Variants in SLC38A6 observed in about 807,000 individuals in gnomAD.
The protein encoded by SLC38A6 is N system amino acid transporter NAT-1.
A neutral mutation model predicts 65.0 loss-of-function variants in SLC38A6; 73 were observed. The observed-to-expected ratio is 1.12, with a 90% CI of 0.93 to 1.37. The LOEUF (loss-of-function observed/expected upper bound fraction) is 1.37. Ranked by LOEUF, SLC38A6 falls within the 40% of genes most tolerant of loss-of-function variation. SLC38A6 has a pLI of 0.00. For missense variants in SLC38A6, 561 were observed against 531.1 expected, an observed-to-expected ratio of 1.06 and a Z score of -0.55; for synonymous variants, 183 against 178.8, an observed-to-expected ratio of 1.02 and a Z score of -0.19.
intron 3 of SLC38A6, among the ~76,000 whole-genome samples, chr14:60,996,191 C>A (rs1217170503): frequency 6.6e-6 from 1 of 151,876 alleles, no homozygotes; most frequent in Non-Finnish European, 1.5e-5. Flanking sequence ...AAAACTGCTC[C>A]TAAAATTATT....
chr14:61,050,017 G>A (rs369976390), intron 12 of SLC38A6, among the ~76,000 whole-genome samples: 3 of 152,250 alleles, frequency 2.0e-5, no homozygotes, highest in African/African-American at 7.2e-5. Context: ...CAAGCTCTGA[G>A]ATTCTAGAAA....
Position 61,080,595 on chromosome 14 carries a change from A to G in SLC38A6, c.1408+1668A>G, listed in dbSNP as rs78703694. Among the ~76,000 whole-genome samples, 258 of 152,310 alleles carry G rather than the reference A, an allele frequency of 1.7e-3. 1 individual carries two copies. The highest frequency in any genetic ancestry group is 5.5e-3 in the African/African-American group (227 of 41,554). ...GAATCAAGTCTGGGAAGCAAGTCGA[A>G]GTGGTTTGATTTGCATGGGGAGCTT... On this transcript the variant is annotated intron_variant, in intron 16 of 16. Coordinates refer to the SLC38A6 transcript ENST00000354886.
chr14:61,011,036 G>C (rs7149873), intron 3 of SLC38A6, among the ~76,000 whole-genome samples: 300 of 152,190 alleles, frequency 2.0e-3, no homozygotes, highest in African/African-American at 6.8e-3. Context: ...TCTTCCATTT[G>C]TTTGTATCTT....
chr14:61,011,998 G>A (rs186599991), intron 3 of SLC38A6, among the ~76,000 whole-genome samples: 2 of 152,320 alleles, frequency 1.3e-5, no homozygotes, highest in African/African-American at 4.8e-5. Context: ...ATTCGGCTGT[G>A]ATTGCATCTG....
chr14:61,025,934 A>AT (rs1433575264), intron 5 of SLC38A6, among the ~76,000 whole-genome samples: 1 of 152,134 alleles, frequency 6.6e-6, no homozygotes, highest in Non-Finnish European at 1.5e-5. Context: ...AGGCAAACTT[A>AT]TTTTTTCCCC....
chr14:61,052,015 C>T, intron 14 of SLC38A6, 26 bp from the exon 15 acceptor site: 5 of 1,598,294 alleles, frequency 3.1e-6, no homozygotes, highest in Non-Finnish European at 3.4e-6. Context: ...GCAATATCCT[C>T]TCTTTTTTTT....
chr14:61,034,472 G>A (rs563097432), intron 6 of SLC38A6, among the ~76,000 whole-genome samples: 1 of 152,216 alleles, frequency 6.6e-6, no homozygotes. Flanking sequence ...CTAACAGATG[G>A]AATCTCCTTT....
At chr14:61,046,962 T>C (rs976367606) in intron 12 of SLC38A6, among the ~76,000 whole-genome samples, 3 of 152,174 alleles carry the variant, frequency 2.0e-5, no homozygotes, top group African/African-American at 7.2e-5. Flanking sequence ...ATATAAACTT[T>C]ATTTTTGGAT....
In SLC38A6 at chr14:61,043,491, T is replaced by C; in HGVS notation, c.732T>C (p.His244=). 6.2e-7 allele frequency: 1 copy of C among 1,607,578 alleles called. No individual in the cohort carries two copies. The highest frequency in any genetic ancestry group is 8.5e-7 in the Non-Finnish European group (1 of 1,176,866). ...VTDDCKPKLF[H]FSKESAYALP... ...ATGATTGTAAGCCAAAGCTCTTTCA[T>C]TTCTCCAAAGAGGTGTGTAAGTTAT... Residue 244 remains histidine, a synonymous_variant, in exon 10 of 16, where the codon CAT becomes CAC. Coordinates refer to ENST00000267488, the MANE Select transcript of SLC38A6 (RefSeq NM_153811.3).
chr14:60,993,372 C>T (rs1027503051), intron 3 of SLC38A6, among the ~76,000 whole-genome samples: 53 of 152,286 alleles, frequency 3.5e-4, no homozygotes, highest in African/African-American at 1.1e-3. Flanking sequence ...TTTCATAACA[C>T]TGTGCTGCCA....
Position 61,045,406 on chromosome 14 carries a change from A to C in SLC38A6, c.805A>C (p.Ile269Leu), listed in dbSNP as rs779844978. The change falls in exon 11 of 16, where the codon ATA (isoleucine) becomes CTA (leucine). Residue 269 changes from isoleucine (I) to leucine (L), a missense_variant. Transcript: ENST00000267488. The stretch of plus-strand genomic sequence containing the variant: ...TCTCTGCCATACCTCAATATTGCCC[A>C]TATACTGTGAACTTCAAAGGTACTG... ...SFLCHTSILP[I>L]YCELQSPSKK... 2 of 1,612,640 alleles carry C rather than the reference A, an allele frequency of 1.2e-6. No homozygotes were observed. The highest frequency in any genetic ancestry group is 3.3e-5 in the Admixed American group (2 of 59,984).
chr14:60,989,095 G>A (rs1424996220), intron 3 of SLC38A6, among the ~76,000 whole-genome samples: 3 of 151,798 alleles, frequency 2.0e-5, no homozygotes, highest in Non-Finnish European at 1.5e-5. Flanking sequence ...GATATTCTTC[G>A]CTTTCTGTTT....
rs372365196 is a variant in SLC38A6, at chr14:61,061,363, A to G, written c.1290+9228A>G. Among the ~76,000 whole-genome samples the G allele has an allele frequency of 4.6e-5, 7 of 152,306 alleles. 1 individual carries two copies. Among genetic ancestry groups the G allele is most frequent in the African/African-American group, 1.7e-4 (7 of 41,568 alleles). ...GTATTTTGTTGAGGATTTTTGCATC[A>G]ATGTTCATCAAAGATATTGACCTGA... is the stretch of plus-strand genomic sequence containing the variant. On this transcript the variant is annotated intron_variant, in intron 15 of 16. Coordinates refer to the SLC38A6 transcript ENST00000354886.
In SLC38A6 at chr14:61,052,140, G is replaced by C. The variant is rs375111086; in HGVS notation, c.1290+5G>C. 6.5e-7 allele frequency: 1 copy of C among 1,540,542 alleles called. No individual in the cohort carries two copies. The highest frequency in any genetic ancestry group is 8.7e-7 in the Non-Finnish European group (1 of 1,153,304). The stretch of plus-strand genomic sequence containing the variant: ...CTGTCATGGAAAAAGCTTGGGGTAG[G>C]TTGTTTTTGTTTCTTTCTTTCAAGA... On this transcript the variant is annotated splice_donor_5th_base_variant and intron_variant, in intron 15 of 15. Transcript: ENST00000267488.
chr14:61,080,194 T>C (rs2043587909), intron 16 of SLC38A6, among the ~76,000 whole-genome samples: 1 of 152,200 alleles, frequency 6.6e-6, no homozygotes, highest in Non-Finnish European at 1.5e-5. Flanking sequence ...TTTACTCTTC[T>C]TCATCTACTT....
intron 15 of SLC38A6, among the ~76,000 whole-genome samples, chr14:61,075,458 G>C (rs2043367454): frequency 6.6e-6 from 1 of 152,146 alleles, no homozygotes; most frequent in Admixed American, 6.5e-5. Flanking sequence ...GTTGTGGGAC[G>C]ATCCTCATAT....
chr14:60,986,445 A>G (rs927873381), intron 3 of SLC38A6, among the ~76,000 whole-genome samples: 3 of 152,204 alleles, frequency 2.0e-5, no homozygotes, highest in African/African-American at 7.2e-5. Context: ...TCTTATGCAA[A>G]TCTAGTTTAG....
At chr14:61,072,286 A>G (rs553572183) in intron 15 of SLC38A6, among the ~76,000 whole-genome samples, 2 of 152,298 alleles carry the variant, frequency 1.3e-5, no homozygotes, top group South Asian at 2.1e-4. Flanking sequence ...TATGGAGTAC[A>G]TGACATGTTT....
intron 16 of SLC38A6, among the ~76,000 whole-genome samples, chr14:61,082,634 G>A (rs1432044371): frequency 2.6e-5 from 4 of 152,196 alleles, no homozygotes; most frequent in Admixed American, 2.0e-4. Context: ...GCAGACGCCT[G>A]TAGGTGCCTT....
Sources: allele counts gnomAD v4.1 joint callset (sites outside exome capture counted in the v4.1 genomes callset), GRCh38; gene constraint gnomAD v4.1.1; transcripts MANE v1.5; gene names NCBI Gene and HGNC (gene_info 2026-07-23, HGNC 2026-07-21).